The following KLF13 variants were observed in gnomAD, a reference collection of about 807,000 sequenced individuals.
The protein encoded by KLF13 is KLF transcription factor 13.
Under a neutral mutation model 16.7 loss-of-function variants are expected in KLF13, and 8 were observed. The observed-to-expected ratio is 0.48, with a 90% confidence interval of 0.28 to 0.87. The LOEUF is 0.87. Ranked by LOEUF, KLF13 falls within the 40% of genes least tolerant of loss-of-function variation. KLF13 has a pLI of 0.10. For synonymous variants in KLF13, 245 were observed against 208.4 expected (o/e 1.18, Z -1.51); for missense variants, 447 against 452.2 (o/e 0.99, Z 0.10).
chr15:31,423,185 G>GTATACATATACATA (rs2040365565), intron 1 of KLF13, among the ~76,000 whole-genome samples: 1 of 107,104 alleles, frequency 9.3e-6, no homozygotes, highest in Admixed American at 9.6e-5. Context: ...ACATATATAC[G>GTATACATATACATA]TATATATATA....
At chr15:31,434,534 G>A (rs1448611678) in intron 1 of KLF13, among the ~76,000 whole-genome samples, 1 of 152,160 alleles carries the variant, frequency 6.6e-6, no homozygotes, top group Non-Finnish European at 1.5e-5. Flanking sequence ...AGGTGGGAGA[G>A]GCTTGGAACT....
chr15:31,383,627 G>A (rs761206752), intron 1 of KLF13, among the ~76,000 whole-genome samples: 26 of 152,250 alleles, frequency 1.7e-4, no homozygotes, highest in Admixed American at 8.5e-4. Context: ...TGGGCCGGGC[G>A]CGGTGGCTCA....
chr15:31,358,542 C>CT (rs1183968289), intron 1 of KLF13, among the ~76,000 whole-genome samples: 1 of 152,234 alleles, frequency 6.6e-6, no homozygotes, highest in Non-Finnish European at 1.5e-5. Context: ...TACCATCTCT[C>CT]TATCTTCTTT....
chr15:31,388,094 A>T (rs1323912571), upstream of KLF13, among the ~76,000 whole-genome samples: 4 of 152,210 alleles, frequency 2.6e-5, no homozygotes, highest in African/African-American at 9.7e-5. Context: ...AAGGAGTCGA[A>T]GTCATCTGTC....
At chr15:31,356,675 G>A (rs1329098438) in intron 1 of KLF13, among the ~76,000 whole-genome samples, 1 of 152,248 alleles carries the variant, frequency 6.6e-6, no homozygotes, top group Non-Finnish European at 1.5e-5. Flanking sequence ...GTCTGAGGTT[G>A]ATTCACGTTT....
intron 1 of KLF13, chr15:31,420,230 C>A (rs1397555690): frequency 6.1e-6 from 4 of 654,126 alleles, no homozygotes; most frequent in Non-Finnish European, 1.1e-5. Flanking sequence ...GGGCAAAAGA[C>A]TACAGCAGGA....
intron 2 of KLF13, among the ~76,000 whole-genome samples, chr15:31,401,811 G>A (rs914622584): frequency 2.6e-5 from 4 of 152,326 alleles, no homozygotes; most frequent in Admixed American, 6.5e-5. Context: ...TTCAGCATGA[G>A]GGCTGAGTCT....
intron 1 of KLF13, among the ~76,000 whole-genome samples, chr15:31,346,224 G>A (rs936056867): frequency 2.0e-5 from 3 of 152,060 alleles, no homozygotes; most frequent in East Asian, 3.9e-4. Context: ...GCACCTCTTC[G>A]TTTTTCTGAA....
intron 1 of KLF13, among the ~76,000 whole-genome samples, chr15:31,353,804 C>G (rs921295413): frequency 1.3e-5 from 2 of 151,652 alleles, no homozygotes; most frequent in African/African-American, 4.8e-5. Context: ...GGCAGGCAAC[C>G]CCCACACCCT....
intron 1 of KLF13, among the ~76,000 whole-genome samples, chr15:31,385,151 T>A (rs76303764): frequency 0.02 from 2,996 of 152,342 alleles, 76 homozygotes; most frequent in African/African-American, 0.06. Flanking sequence ...ACGCTGGATC[T>A]GTCCGCACCT....
intron 1 of KLF13, among the ~76,000 whole-genome samples, chr15:31,424,302 T>C (rs575519244): frequency 2.6e-5 from 4 of 152,258 alleles, no homozygotes; most frequent in African/African-American, 9.6e-5. Flanking sequence ...CTGATTAATA[T>C]TGATGCAAAA....
chr15:31,349,086 A>G (rs1429849114), intron 1 of KLF13, among the ~76,000 whole-genome samples: 1 of 152,136 alleles, frequency 6.6e-6, no homozygotes, highest in Admixed American at 6.5e-5. Context: ...ACAAACATTC[A>G]GCCTATAGTG....
rs1431222853 is a variant in KLF13, at chr15:31,328,159, C to T, written c.577+370C>T. ...CTGGGTGTGGACCGCAGGCGGCACT[C>T]GTGACGGTGGGGCGCCCGGAGCGGG... is the stretch of plus-strand genomic sequence containing the variant. On this transcript the variant is annotated intron_variant, in intron 1 of 1. Transcript: ENST00000307145. Among the ~76,000 whole-genome samples, 5 of 149,250 alleles carry T rather than the reference C, an allele frequency of 3.4e-5. No individual in the cohort carries two copies. The South Asian group carries it at 6.3e-4, about 19-fold the overall frequency.
chr15:31,339,843 G>A (rs934953035), intron 1 of KLF13: 14 of 666,442 alleles, frequency 2.1e-5, no homozygotes, highest in Admixed American at 8.3e-5. Context: ...TCGTGGGAGT[G>A]CCCCAGGTGG....
At chr15:31,398,676 G>T (rs2039989990) in intron 2 of KLF13, among the ~76,000 whole-genome samples, 1 of 152,098 alleles carries the variant, frequency 6.6e-6, no homozygotes, top group African/African-American at 2.4e-5. Context: ...ACCACATCAG[G>T]AGTGTCTGAC....
chr15:31,395,622 C>G (rs1403913038), intron 2 of KLF13, among the ~76,000 whole-genome samples: 1 of 152,166 alleles, frequency 6.6e-6, no homozygotes, highest in African/African-American at 2.4e-5. Flanking sequence ...CATGAGAGGT[C>G]CAGCTTCTCC....
chr15:31,336,683 T>C (rs890749399), intron 1 of KLF13, among the ~76,000 whole-genome samples: 1 of 152,068 alleles, frequency 6.6e-6, no homozygotes, highest in Non-Finnish European at 1.5e-5. Flanking sequence ...GAAAAGAGAT[T>C]GGAAATAGAG....
Position 31,423,144 on chromosome 15 carries a change from CGTATATAT to C in KLF13, n.118-12225_118-12218del, listed in dbSNP as rs1566848358. On this transcript the variant is annotated intron_variant and non_coding_transcript_variant, in intron 1 of 1. Coordinates refer to the KLF13 transcript ENST00000558225. Reference sequence around the variant, plus strand: ...ATACGTATATATACGTATACGTATACGTATATATACGTATATATATGTATATATATACA... The same window carrying C: ...ATACGTATATATACGTATACGTATACACGTATATATATGTATATATATACA... 5.3e-4 allele frequency among the ~76,000 whole-genome samples: 47 copies of C among 89,402 alleles called. 3 individuals carry two copies. The highest frequency in any genetic ancestry group is 1.0e-3 in the African/African-American group (11 of 10,486). 58.7% of individuals were successfully genotyped at this position (89,402 alleles called of 152,430 possible). A position where few individuals can be genotyped will look rare whatever the true frequency, so the allele number is the denominator to read the frequency against.
At chr15:31,433,804 G>A (rs1377785552) in intron 1 of KLF13, among the ~76,000 whole-genome samples, 1 of 152,202 alleles carries the variant, frequency 6.6e-6, no homozygotes, top group Non-Finnish European at 1.5e-5. Context: ...CTCCATGCAA[G>A]GGACATCAGT....
Sources: gnomAD v4.1 joint callset for allele counts (sites outside exome capture counted in the v4.1 genomes callset) on GRCh38, gnomAD v4.1.1 for gene constraint, MANE v1.5 for transcripts, NCBI Gene and HGNC (gene_info 2026-07-23, HGNC 2026-07-21) for gene names.